Variants in GPC5 observed in about 807,000 individuals in gnomAD.
GPC5 encodes glypican-5.
A neutral mutation model predicts 53.9 loss-of-function variants in GPC5; 47 were observed. The ratio of observed to expected loss-of-function variants is 0.87; its 90% CI spans 0.69 to 1.11. The LOEUF is 1.11. GPC5 is among the 50% of genes most tolerant of loss of function. The pLI is 0.00. For synonymous variants in GPC5, 286 were observed against 263.3 expected (o/e 1.09, Z -0.84); for missense variants, 748 against 713.1 (o/e 1.05, Z -0.56).
At chr13:91,999,161 C>G (rs922726316) in intron 6 of GPC5, among the ~76,000 whole-genome samples, 5 of 151,908 alleles carry the variant, frequency 3.3e-5, no homozygotes, top group Admixed American at 6.6e-5. Flanking sequence ...GAAATTTAAT[C>G]TCATTTTATG....
At chr13:92,440,470 T>C (rs1391675188) in intron 7 of GPC5, among the ~76,000 whole-genome samples, 1 of 152,200 alleles carries the variant, frequency 6.6e-6, no homozygotes, top group Non-Finnish European at 1.5e-5. Context: ...CCATGGTATA[T>C]ACGTACCACA....
intron 4 of GPC5, among the ~76,000 whole-genome samples, chr13:91,740,378 A>G (rs1017544037): frequency 6.6e-6 from 1 of 152,148 alleles, no homozygotes; most frequent in South Asian, 2.1e-4. Context: ...TGTTAAATAC[A>G]TTGCTTTTTC....
intron 7 of GPC5, among the ~76,000 whole-genome samples, chr13:92,197,587 C>A (rs1255598611): frequency 6.6e-6 from 1 of 152,036 alleles, no homozygotes; most frequent in African/African-American, 2.4e-5. Flanking sequence ...AGCCTCAACC[C>A]CCAAGGCTCA....
At chr13:91,612,074 C>G (rs1464669586) in intron 2 of GPC5, among the ~76,000 whole-genome samples, 2 of 152,186 alleles carry the variant, frequency 1.3e-5, no homozygotes, top group Non-Finnish European at 2.9e-5. Flanking sequence ...CTCTAGTTAT[C>G]ACTCTTAGTT....
At chr13:92,159,336 A>T (rs956745213) in intron 7 of GPC5, among the ~76,000 whole-genome samples, 1 of 152,170 alleles carries the variant, frequency 6.6e-6, no homozygotes, top group African/African-American at 2.4e-5. Flanking sequence ...GCCTCCAGAC[A>T]TGTTTAGCTC....
chr13:92,489,856 A>G (rs1299444835), intron 7 of GPC5, among the ~76,000 whole-genome samples: 1 of 143,498 alleles, frequency 7.0e-6, no homozygotes, highest in Non-Finnish European at 1.5e-5. Flanking sequence ...AAAACAAAAA[A>G]TATGGTCATA....
At chr13:92,445,325 T>TA (rs71123407) in intron 7 of GPC5, among the ~76,000 whole-genome samples, 45,519 of 147,202 alleles carry the variant, frequency 0.31, 8,096 homozygotes, top group East Asian at 0.6. Context: ...TTTATTTTAT[T>TA]TTATTATACT....
In GPC5 at chr13:91,464,834, T is replaced by A. The variant is rs1041170976; in HGVS notation, c.325+15912T>A. Among the ~76,000 whole-genome samples the A allele has an allele frequency of 2.6e-5, 4 of 152,014 alleles. No individual in the cohort carries two copies. The East Asian group carries it at 7.7e-4, about 29-fold the overall frequency. ...CACACACACAACACACACACACAAA[T>A]GCATACAAAATCTGAGTAAGCTCTG... On this transcript the variant is annotated intron_variant, in intron 2 of 7. Coordinates refer to ENST00000377067, the MANE Select transcript of GPC5 (RefSeq NM_004466.6).
intron 3 of GPC5, among the ~76,000 whole-genome samples, chr13:91,707,157 T>C (rs183791892): frequency 6.6e-6 from 1 of 152,088 alleles, no homozygotes; most frequent in Admixed American, 6.5e-5. Context: ...ACTCATCAAT[T>C]AAAAATTAAC....
intron 7 of GPC5, among the ~76,000 whole-genome samples, chr13:92,147,587 C>T (rs1480072736): frequency 6.6e-6 from 1 of 151,974 alleles, no homozygotes; most frequent in Non-Finnish European, 1.5e-5. Flanking sequence ...GACAAGTTGA[C>T]AAAAATTTTT....
intron 7 of GPC5, among the ~76,000 whole-genome samples, chr13:92,354,827 T>TA (rs1181365903): frequency 6.6e-6 from 1 of 152,034 alleles, no homozygotes; most frequent in Non-Finnish European, 1.5e-5. Flanking sequence ...AAAATAGTCT[T>TA]AGAGTGCCAG....
chr13:92,750,889 A>G (rs1056621755), intron 7 of GPC5, among the ~76,000 whole-genome samples: 9 of 152,164 alleles, frequency 5.9e-5, no homozygotes, highest in Non-Finnish European at 8.8e-5. Flanking sequence ...CTGGCCTTCA[A>G]CAGTGCTATA....
At chr13:92,075,595 T>A (rs1469823550) in intron 6 of GPC5, among the ~76,000 whole-genome samples, 5 of 152,192 alleles carry the variant, frequency 3.3e-5, no homozygotes, top group Non-Finnish European at 7.4e-5. Flanking sequence ...TGCAAATATT[T>A]TTATCATTAA....
intron 5 of GPC5, among the ~76,000 whole-genome samples, chr13:91,869,575 A>T: frequency 6.6e-6 from 1 of 152,116 alleles, no homozygotes; most frequent in East Asian, 1.9e-4. Flanking sequence ...ATTATTGCTG[A>T]GATTTTAATT....
intron 7 of GPC5, among the ~76,000 whole-genome samples, chr13:92,303,671 G>T (rs745421320): frequency 6.6e-6 from 1 of 152,160 alleles, no homozygotes; most frequent in Non-Finnish European, 1.5e-5. Flanking sequence ...CAAACCAAAA[G>T]CAGCTGATCA....
intron 6 of GPC5, among the ~76,000 whole-genome samples, chr13:92,064,280 G>GT (rs2041147321): frequency 6.6e-6 from 1 of 152,150 alleles, no homozygotes; most frequent in Non-Finnish European, 1.5e-5. Flanking sequence ...TCTAAATAGT[G>GT]TTTTTCAAAT....
At chr13:92,628,470 T>A (rs946939679) in intron 7 of GPC5, among the ~76,000 whole-genome samples, 3 of 151,560 alleles carry the variant, frequency 2.0e-5, no homozygotes, top group Non-Finnish European at 2.9e-5. Context: ...GCTTTGGGGG[T>A]CAGCAGTGTT....
At chr13:92,056,506 CT>C (rs2138846185) in intron 6 of GPC5, among the ~76,000 whole-genome samples, 1 of 152,198 alleles carries the variant, frequency 6.6e-6, no homozygotes, top group African/African-American at 2.4e-5. Context: ...AATCGTGTTT[CT>C]TTTTCCATTT....
intron 2 of GPC5, among the ~76,000 whole-genome samples, chr13:91,653,302 C>G (rs1242583572): frequency 1.3e-5 from 2 of 152,086 alleles, no homozygotes; most frequent in South Asian, 2.1e-4. Context: ...TCTCCGCCCC[C>G]ACAGCCTTAA....
Sources: gnomAD v4.1 joint callset for allele counts (sites outside exome capture counted in the v4.1 genomes callset) on GRCh38, gnomAD v4.1.1 for gene constraint, MANE v1.5 for transcripts, NCBI Gene and HGNC (gene_info 2026-07-23, HGNC 2026-07-21) for gene names.